CCDC149: variants seen among roughly 807,000 people sequenced by gnomAD.
CCDC149 encodes the protein coiled-coil domain containing 149, also known as coiled-coil domain-containing protein 149.
Under a neutral mutation model 59.9 loss-of-function variants are expected in CCDC149, and 45 were observed. The observed-to-expected ratio is 0.75, with a 90% confidence interval of 0.59 to 0.96. The LOEUF is 0.96. Ranked by LOEUF, CCDC149 falls within the 40% of genes least tolerant of loss-of-function variation. The pLI, the probability that CCDC149 is intolerant of heterozygous loss-of-function variation, is 0.00. For missense variants in CCDC149, 584 were observed against 664.7 expected, an observed-to-expected ratio of 0.88 and a Z score of 1.33; for synonymous variants, 245 against 260.6, an observed-to-expected ratio of 0.94 and a Z score of 0.58.
intron 4 of CCDC149, among the ~76,000 whole-genome samples, chr4:24,841,772 C>T (rs1716952138): frequency 1.3e-5 from 2 of 152,184 alleles, no homozygotes; most frequent in Admixed American, 1.3e-4. Flanking sequence ...GTCTCAGTAT[C>T]CTTCTCTGCA....
intron 1 of CCDC149, among the ~76,000 whole-genome samples, chr4:24,879,847 T>A (rs538743528): frequency 6.6e-6 from 1 of 152,248 alleles, no homozygotes; most frequent in South Asian, 2.1e-4. Flanking sequence ...GTCCAGATGA[T>A]TCTTATCCAG....
intron 4 of CCDC149, among the ~76,000 whole-genome samples, chr4:24,849,641 G>A (rs1320529592): frequency 2.0e-5 from 3 of 152,168 alleles, no homozygotes; most frequent in Admixed American, 6.5e-5. Flanking sequence ...GGCTCTAGCT[G>A]AACAAATGGA....
chr4:24,978,689 C>T (rs1040228494), intron 1 of CCDC149, among the ~76,000 whole-genome samples: 1 of 152,150 alleles, frequency 6.6e-6, no homozygotes, highest in African/African-American at 2.4e-5. Context: ...ATCATTCCTC[C>T]CACCATTCGC....
chr4:24,877,451 T>C (rs974139974), intron 1 of CCDC149, among the ~76,000 whole-genome samples: 4 of 152,092 alleles, frequency 2.6e-5, no homozygotes, highest in African/African-American at 9.7e-5. Flanking sequence ...TACAAAGTAG[T>C]GGGATTACAG....
At chr4:24,850,223 T>C (rs1560216993) in intron 4 of CCDC149, among the ~76,000 whole-genome samples, 1 of 152,222 alleles carries the variant, frequency 6.6e-6, no homozygotes, top group Non-Finnish European at 1.5e-5. Flanking sequence ...TTTATTCCAT[T>C]CCATTCCTTC....
At chr4:24,856,097 T>G (rs1201331560) in intron 3 of CCDC149, among the ~76,000 whole-genome samples, 1 of 152,234 alleles carries the variant, frequency 6.6e-6, no homozygotes, top group Non-Finnish European at 1.5e-5. Flanking sequence ...CCCTCAACTG[T>G]GCCCACTCCG....
At chr4:24,971,609 G>GTAGA (rs1283165119) in intron 1 of CCDC149, among the ~76,000 whole-genome samples, 2 of 152,216 alleles carry the variant, frequency 1.3e-5, no homozygotes, top group Non-Finnish European at 2.9e-5. Context: ...GTACAGCCAT[G>GTAGA]TAGAAGCTGT....
At chr4:24,936,211 G>A (rs1722775785) in intron 1 of CCDC149, among the ~76,000 whole-genome samples, 1 of 152,122 alleles carries the variant, frequency 6.6e-6, no homozygotes, top group East Asian at 1.9e-4. Context: ...AAAAAGGCAG[G>A]GGAGAAATTG....
rs115927822 is a variant in CCDC149 at position 24,919,125 on chromosome 4, C to T, written c.-64-24007G>A. Among the ~76,000 whole-genome samples, 587 of 152,264 alleles carry T rather than the reference C, an allele frequency of 3.9e-3. 4 individuals are homozygous for T. The highest frequency in any genetic ancestry group is 0.014 in the African/African-American group (569 of 41,560). On this transcript the variant is annotated intron_variant, in intron 1 of 12. Coordinates refer to the CCDC149 transcript ENST00000389609. ...CACTTACTAGCCCCATTTGTTTCCA[C>T]GATACAGGAAAAACAATCTTAAGGT...
In CCDC149 at chr4:24,975,115, G is replaced by A. The variant is rs188186213; in HGVS notation, c.-65+4954C>T. On this transcript the variant is annotated intron_variant, in intron 1 of 12. Coordinates refer to the CCDC149 transcript ENST00000389609. ...ATGCCATGTGAGGTTGCAGCAAGAC[G>A]CCCCTCATGAGATGCCAGCACCTTG... is the stretch of plus-strand genomic sequence containing the variant. Among the ~76,000 whole-genome samples the A allele has an allele frequency of 2.6e-3, 399 of 152,144 alleles. 6 individuals are homozygous for A. Among genetic ancestry groups the A allele is most frequent in the East Asian group, 7.8e-4 (4 of 5,158 alleles).
intron 9 of CCDC149, among the ~76,000 whole-genome samples, chr4:24,825,374 CTT>C (rs1339402281): frequency 6.6e-6 from 1 of 152,164 alleles, no homozygotes; most frequent in Non-Finnish European, 1.5e-5. Flanking sequence ...TGCGTCAGCT[CTT>C]GTTAGCCTTA....
chr4:24,902,550 T>C (rs1010812018), intron 1 of CCDC149, among the ~76,000 whole-genome samples: 3 of 152,212 alleles, frequency 2.0e-5, no homozygotes, highest in Non-Finnish European at 4.4e-5. Flanking sequence ...CCAGTGCTCA[T>C]GCCTTCTCAT....
chr4:24,955,362 CT>C (rs1723435742), intron 1 of CCDC149, among the ~76,000 whole-genome samples: 1 of 152,178 alleles, frequency 6.6e-6, no homozygotes, highest in African/African-American at 2.4e-5. Flanking sequence ...CCCTCAAGGC[CT>C]AGTCACTTCT....
intron 1 of CCDC149, among the ~76,000 whole-genome samples, chr4:24,969,959 C>A (rs1036671817): frequency 1.3e-5 from 2 of 152,216 alleles, no homozygotes; most frequent in Admixed American, 6.5e-5. Flanking sequence ...GAACTCTCCT[C>A]TGGGGGACAT....
At chr4:24,871,983 GAGA>G (rs1429229751) in intron 3 of CCDC149, among the ~76,000 whole-genome samples, 7 of 152,152 alleles carry the variant, frequency 4.6e-5, no homozygotes, top group African/African-American at 1.2e-4. Context: ...AGAAGGATCG[GAGA>G]AGAACTTGAT....
At position 24,958,631 on chromosome 4, in the gene CCDC149, C is replaced by T. The variant is rs547455923; in HGVS notation, c.-65+21438G>A. Among the ~76,000 whole-genome samples, 16 of 152,020 alleles carry T rather than the reference C, an allele frequency of 1.1e-4. No homozygotes were observed. In the South Asian group the frequency reaches 3.1e-3, roughly 30 times the overall value. On this transcript the variant is annotated intron_variant, in intron 1 of 12. Coordinates refer to the CCDC149 transcript ENST00000389609. ...ACTTCCAGAGATTAAAACTATAATA[C>T]TTGAGGTAAAAAAAAATGCACTATA...
chr4:24,818,828 C>T (rs1473086891), intron 12 of CCDC149, among the ~76,000 whole-genome samples: 3 of 152,218 alleles, frequency 2.0e-5, no homozygotes, highest in East Asian at 1.9e-4. Flanking sequence ...ACCCTCACTT[C>T]TGTATTCTAC....
intron 12 of CCDC149, among the ~76,000 whole-genome samples, chr4:24,809,380 G>A (rs1174933408): frequency 6.6e-6 from 1 of 152,182 alleles, no homozygotes; most frequent in African/African-American, 2.4e-5. Context: ...CCCCTGTTGA[G>A]TTGTTGTCCC....
intron 1 of CCDC149, among the ~76,000 whole-genome samples, chr4:24,951,198 T>C (rs1322397786): frequency 1.3e-5 from 2 of 152,236 alleles, no homozygotes; most frequent in East Asian, 3.9e-4. Flanking sequence ...CTCATTTAAA[T>C]TCATTCCACA....
Sources: allele counts gnomAD v4.1 joint callset (sites outside exome capture counted in the v4.1 genomes callset), GRCh38; gene constraint gnomAD v4.1.1; transcripts MANE v1.5; gene names NCBI Gene and HGNC (gene_info 2026-07-23, HGNC 2026-07-21).